FRA10AC1: variants seen among roughly 807,000 people sequenced by gnomAD.
The protein encoded by FRA10AC1 is protein FRA10AC1.
FRA10AC1 carries 43 observed loss-of-function variants against 56.5 expected under a neutral mutation model. That is an observed-to-expected ratio of 0.76 (90% CI 0.60 to 0.98). The LOEUF is 0.98. Among genes scored for constraint, FRA10AC1 ranks in the 50% least tolerant of loss-of-function variants. The probability of loss-of-function intolerance (pLI) is 0.00; values close to 1 mark genes in which losing one functional copy is unlikely to be tolerated. For missense variants in FRA10AC1, 346 were observed against 351.8 expected, an observed-to-expected ratio of 0.98 and a Z score of 0.13; for synonymous variants, 112 against 110.5, an observed-to-expected ratio of 1.01 and a Z score of -0.09.
chr10:93,670,691 T>C (rs1375348810), intron 13 of FRA10AC1, 79 bp downstream of exon 13: 2 of 904,988 alleles, frequency 2.2e-6, no homozygotes, highest in Admixed American at 4.0e-5. Flanking sequence ...ATGTTGTATT[T>C]TTCCATTAAT....
intron 1 of FRA10AC1, among the ~76,000 whole-genome samples, chr10:93,700,808 T>C (rs2059319490): frequency 6.6e-6 from 1 of 152,174 alleles, no homozygotes; most frequent in African/African-American, 2.4e-5. Flanking sequence ...GCCCTTTGGA[T>C]TAGTCAGCTT....
At chr10:93,671,819 A>G in intron 12 of FRA10AC1, 2 of 318,090 alleles carry the variant, frequency 6.3e-6, no homozygotes, top group South Asian at 2.7e-5. Flanking sequence ...TTAACTGATT[A>G]TATTACCTGT....
intron 11 of FRA10AC1, among the ~76,000 whole-genome samples, chr10:93,677,233 A>C (rs2058857363): frequency 6.6e-6 from 1 of 152,148 alleles, no homozygotes; most frequent in African/African-American, 2.4e-5. Flanking sequence ...CGGTCAGTGT[A>C]ATTTAAAAAA....
chr10:93,702,913 C>T, upstream of FRA10AC1: 1 of 442,684 alleles, frequency 2.3e-6, no homozygotes, highest in Admixed American at 2.6e-5. Flanking sequence ...AACGCCTCCT[C>T]GGAGGATCCT....
At position 93,683,491 on chromosome 10, in the gene FRA10AC1, C is replaced by T. The variant is rs561308069; in HGVS notation, c.668+565G>A. Among the ~76,000 whole-genome samples, 13 of 152,230 alleles carry T rather than the reference C, an allele frequency of 8.5e-5. No individual in the cohort carries two copies. In the South Asian group the frequency reaches 2.7e-3, roughly 32 times the overall value. ...TCAGCCTCCCCAGTAGCTGGGATTA[C>T]AGGCACCTGCCACCACGCCCAGTTA... On this transcript the variant is annotated intron_variant, in intron 10 of 13. Coordinates refer to ENST00000359204, the MANE Select transcript of FRA10AC1 (RefSeq NM_145246.5).
intron 9 of FRA10AC1, among the ~76,000 whole-genome samples, 160 bp downstream of exon 9, chr10:93,685,086 T>C (rs2059001289): frequency 6.6e-6 from 1 of 152,116 alleles, no homozygotes; most frequent in Non-Finnish European, 1.5e-5. Flanking sequence ...TGTAAAAAAC[T>C]GAGGCTGAAA....
chr10:93,680,181 A>T (rs576194247), intron 11 of FRA10AC1, among the ~76,000 whole-genome samples: 2 of 152,354 alleles, frequency 1.3e-5, no homozygotes, highest in South Asian at 4.1e-4. Flanking sequence ...ATGGTATCAC[A>T]GTTGTGATAA....
intron 10 of FRA10AC1, 125 bp downstream of exon 10, chr10:93,683,931 C>G (rs8181435): frequency 0.48 from 322,390 of 675,126 alleles, 81,315 homozygotes; most frequent in Non-Finnish European, 0.52. Context: ...GACAATGCCA[C>G]ATTTTCTACA....
rs1263752657 is a variant in FRA10AC1 at position 93,681,668 on chromosome 10, G to A, written c.669-70C>T. On this transcript the variant is annotated intron_variant, in intron 10 of 13. Coordinates refer to ENST00000359204, the MANE Select transcript of FRA10AC1 (RefSeq NM_145246.5). ...ACCTTTTCAAAAATAACCATCATAT[G>A]AACAAAAAACCAAAATCAGTTAAAA... 2.9e-6 allele frequency: 4 copies of A among 1,357,398 alleles called. No homozygotes were observed. The East Asian group carries it at 1.1e-4, about 37-fold the overall frequency. 84.1% of individuals were successfully genotyped at this position (1,357,398 alleles called of 1,614,324 possible).
At position 93,669,022 on chromosome 10, in the gene FRA10AC1, C is replaced by T. The variant is rs1266063333; in HGVS notation, c.*804G>A. The T allele has an allele frequency of 1.3e-5, 2 of 152,060 alleles. No individual in the cohort carries two copies. Among genetic ancestry groups the T allele is most frequent in the Admixed American group, 6.6e-5 (1 of 15,250 alleles). 9.4% of individuals were successfully genotyped at this position (152,060 alleles called of 1,614,324 possible). ...CATGAACTGTTTTAGACTACTGGGA[C>T]CTCACTGGCTCCCTGTGGTAATAAT... On this transcript the variant is annotated 3_prime_UTR_variant, in exon 14 of 14. Coordinates refer to ENST00000359204, the MANE Select transcript of FRA10AC1 (RefSeq NM_145246.5).
intron 12 of FRA10AC1, chr10:93,672,595 A>C (rs2133891899): frequency 6.6e-6 from 1 of 152,296 alleles, no homozygotes; most frequent in East Asian, 1.9e-4. Flanking sequence ...GACAGCTGTT[A>C]TCTTGTTCCC....
At chr10:93,669,951 A>G in intron 13 of FRA10AC1, 83 bp from the exon 14 acceptor site, 1 of 698,220 alleles carries the variant, frequency 1.4e-6, no homozygotes, top group Admixed American at 3.0e-5. Flanking sequence ...AATAAAAATA[A>G]AATACTTTAA....
intron 7 of FRA10AC1, among the ~76,000 whole-genome samples, chr10:93,690,951 A>G (rs2059115440): frequency 1.3e-5 from 2 of 152,218 alleles, no homozygotes; most frequent in Admixed American, 1.3e-4. Flanking sequence ...CACTACTGAA[A>G]AAATTATTAA....
intron 4 of FRA10AC1, among the ~76,000 whole-genome samples, chr10:93,696,007 T>C (rs778902186): frequency 6.6e-6 from 1 of 152,242 alleles, no homozygotes; most frequent in Non-Finnish European, 1.5e-5. Context: ...AATATAATTT[T>C]ATGTACAAGA....
intron 11 of FRA10AC1, among the ~76,000 whole-genome samples, chr10:93,678,648 G>C (rs2058882067): frequency 6.6e-6 from 1 of 152,022 alleles, no homozygotes; most frequent in Non-Finnish European, 1.5e-5. Context: ...CTGGGAAACA[G>C]CAAGACCCTG....
At chr10:93,681,903 G>A (rs2058942143) in intron 10 of FRA10AC1, among the ~76,000 whole-genome samples, 1 of 151,650 alleles carries the variant, frequency 6.6e-6, no homozygotes, top group South Asian at 2.1e-4. Flanking sequence ...CTATCACTTA[G>A]CCATTTAAAA....
chr10:93,678,067 T>A (rs2058873695), intron 11 of FRA10AC1, among the ~76,000 whole-genome samples: 1 of 152,220 alleles, frequency 6.6e-6, no homozygotes, highest in Non-Finnish European at 1.5e-5. Flanking sequence ...GGATACTATG[T>A]ATTTCTAAAG....
At chr10:93,690,300 C>T (rs1180862158) in intron 7 of FRA10AC1, among the ~76,000 whole-genome samples, 6 of 152,108 alleles carry the variant, frequency 3.9e-5, no homozygotes, top group Non-Finnish European at 4.4e-5. Context: ...TCAGAATCTG[C>T]GAGTCATATC....
chr10:93,683,161 C>T (rs2058965267), intron 10 of FRA10AC1, among the ~76,000 whole-genome samples: 1 of 152,110 alleles, frequency 6.6e-6, no homozygotes, highest in Non-Finnish European at 1.5e-5. Flanking sequence ...GCCTGAGTAG[C>T]CTCATTTTTA....
Sources: allele counts gnomAD v4.1 joint callset (sites outside exome capture counted in the v4.1 genomes callset), GRCh38; gene constraint gnomAD v4.1.1; transcripts MANE v1.5; gene names NCBI Gene and HGNC (gene_info 2026-07-23, HGNC 2026-07-21).